Variants in SGIP1 observed in about 807,000 individuals in gnomAD.
SGIP1 encodes SH3-containing GRB2-like protein 3-interacting protein 1.
Under a neutral mutation model 107.5 loss-of-function variants are expected in SGIP1, and 38 were observed. The observed-to-expected ratio is 0.35, with a 90% CI of 0.27 to 0.46. SGIP1 has a LOEUF of 0.46. SGIP1 is among the 20% of genes least tolerant of loss of function. The pLI, the probability that SGIP1 is intolerant of heterozygous loss-of-function variation, is 1.00. For missense variants in SGIP1, 929 were observed against 1,019.5 expected (o/e 0.91, Z 1.21); for synonymous variants, 365 against 366.1 (o/e 1.00, Z 0.03).
At position 66,643,585 on chromosome 1, in the gene SGIP1, G is replaced by A; in HGVS notation, c.325G>A (p.Glu109Lys). The A allele has an allele frequency of 6.2e-7, 1 of 1,610,744 alleles. No homozygotes were observed. The highest frequency in any genetic ancestry group is 8.5e-7 in the Non-Finnish European group (1 of 1,178,694). The stretch of plus-strand genomic sequence containing the variant: ...CTTTTATTCTTCAAGTGAATCGGAA[G>A]AAGAAGAAGAATCACATAAGAAATT... ...KHFYSSSESE[E>K]EEESHKKFNI... is the part of the protein sequence containing the mutation. The change falls in exon 7 of 25, where the codon GAA becomes AAA. Residue 109 changes from glutamate (E) to lysine (K), a missense_variant. Coordinates refer to ENST00000371037, the MANE Select transcript of SGIP1 (RefSeq NM_032291.4).
At chr1:66,592,417 G>A (rs76860583) in intron 1 of SGIP1, among the ~76,000 whole-genome samples, 26,736 of 152,158 alleles carry the variant, frequency 0.18, 2,513 homozygotes, top group East Asian at 0.31. Context: ...AGGGCACAGG[G>A]TTGGGGCTAG....
rs866656995 is a variant in SGIP1 at position 66,735,768 on chromosome 1, T to C, written c.2031+1888T>C. On this transcript the variant is annotated intron_variant, in intron 21 of 24. Coordinates refer to ENST00000371037, the MANE Select transcript of SGIP1 (RefSeq NM_032291.4). Reference sequence around the variant, plus strand: ...CCGGGAGGCGGAGCTTGCAGTGAGCTGAGATTGCGCCACTGCAGTCCGCAG... The same window carrying C: ...CCGGGAGGCGGAGCTTGCAGTGAGCCGAGATTGCGCCACTGCAGTCCGCAG... Among the ~76,000 whole-genome samples, 5 of 17,750 alleles carry C rather than the reference T, an allele frequency of 2.8e-4. 1 individual carries two copies. Among genetic ancestry groups the C allele is most frequent in the South Asian group, 8.0e-4 (1 of 1,252 alleles). 11.6% of individuals were successfully genotyped at this position (17,750 alleles called of 152,430 possible). A position where few individuals can be genotyped will look rare whatever the true frequency, so the allele number is the denominator to read the frequency against.
intron 2 of SGIP1, chr1:66,626,166 T>G: frequency 4.0e-6 from 1 of 246,950 alleles, no homozygotes; most frequent in East Asian, 7.6e-5. Flanking sequence ...TTTTGATCAT[T>G]ACACTTCCCA....
intron 15 of SGIP1, 55 bp downstream of exon 15, chr1:66,682,424 C>A: frequency 6.4e-7 from 1 of 1,553,206 alleles, no homozygotes; most frequent in Non-Finnish European, 8.7e-7. Flanking sequence ...ATGGCTGCTG[C>A]AGTGTGAGCA....
At chr1:66,680,456 CCTT>C (rs1316487462) in intron 14 of SGIP1, among the ~76,000 whole-genome samples, 1 of 152,162 alleles carries the variant, frequency 6.6e-6, no homozygotes, top group Non-Finnish European at 1.5e-5. Context: ...TTCTTTATCA[CCTT>C]CGGAATTCTG....
chr1:66,675,576 G>A (rs1331692141), intron 12 of SGIP1, among the ~76,000 whole-genome samples: 2 of 90,250 alleles, frequency 2.2e-5, no homozygotes, highest in African/African-American at 9.8e-5. Context: ...ATCTCACTCT[G>A]TCACCCAGGC....
chr1:66,539,954 C>T (rs2054517032), intron 1 of SGIP1, among the ~76,000 whole-genome samples: 1 of 152,096 alleles, frequency 6.6e-6, no homozygotes, highest in African/African-American at 2.4e-5. Context: ...ATCTGGTCTA[C>T]CATTTTCATC....
intron 1 of SGIP1, among the ~76,000 whole-genome samples, chr1:66,574,676 C>T (rs1454426812): frequency 6.6e-6 from 1 of 152,096 alleles, no homozygotes; most frequent in Non-Finnish European, 1.5e-5. Context: ...TGTTACTTCC[C>T]CTTCTCGGAA....
intron 1 of SGIP1, among the ~76,000 whole-genome samples, chr1:66,544,321 G>C (rs2055793619): frequency 6.6e-6 from 1 of 152,138 alleles, no homozygotes; most frequent in South Asian, 2.1e-4. Flanking sequence ...GATTGGAATT[G>C]GCACATGAGA....
intron 19 of SGIP1, among the ~76,000 whole-genome samples, chr1:66,725,508 T>C (rs906235357): frequency 2.0e-5 from 3 of 152,204 alleles, no homozygotes; most frequent in African/African-American, 7.2e-5. Flanking sequence ...TGTGGAGACA[T>C]TGGAGGAAAT....
intron 19 of SGIP1, among the ~76,000 whole-genome samples, chr1:66,727,546 T>C (rs2093812306): frequency 2.0e-5 from 3 of 152,230 alleles, no homozygotes; most frequent in Non-Finnish European, 4.4e-5. Flanking sequence ...CCAAGAGAAA[T>C]GACAGGGTAT....
intron 1 of SGIP1, among the ~76,000 whole-genome samples, chr1:66,574,846 T>C (rs1270740740): frequency 6.6e-6 from 1 of 152,204 alleles, no homozygotes; most frequent in Non-Finnish European, 1.5e-5. Flanking sequence ...GATGTCAGAT[T>C]GCCAGCTGCG....
chr1:66,534,332 G>A lies in SGIP1; in HGVS notation c.-27G>A. The A allele has an allele frequency of 1.2e-6, 2 of 1,613,926 alleles. No homozygotes were observed. The highest frequency in any genetic ancestry group is 1.3e-5 in the African/African-American group (1 of 75,044). ...CTCCTGTGTTTTTTCAGACTCCTTGGAAATTAAGGAATGCAATTCTGCCAC... is the reference window on the plus strand; with the variant it reads ...CTCCTGTGTTTTTTCAGACTCCTTGAAAATTAAGGAATGCAATTCTGCCAC... On this transcript the variant is annotated 5_prime_UTR_variant, in exon 1 of 25. Transcript: ENST00000371037.
intron 1 of SGIP1, among the ~76,000 whole-genome samples, chr1:66,621,326 C>CTT (rs2071043262): frequency 6.6e-6 from 1 of 152,212 alleles, no homozygotes; most frequent in African/African-American, 2.4e-5. Flanking sequence ...GTGCCACAAA[C>CTT]TTTTAAGCCA....
chr1:66,742,738 G>A (rs1346518639), intron 24 of SGIP1, among the ~76,000 whole-genome samples: 1 of 148,676 alleles, frequency 6.7e-6, no homozygotes, highest in African/African-American at 2.6e-5. Flanking sequence ...CAAAGTGCTG[G>A]GATTACAGGC....
intron 19 of SGIP1, among the ~76,000 whole-genome samples, chr1:66,727,999 A>G (rs2093835729): frequency 1.3e-5 from 2 of 152,202 alleles, no homozygotes; most frequent in South Asian, 2.1e-4. Flanking sequence ...TACACTGTAT[A>G]TAAGTTCAGT....
chr1:66,712,365 G>T (rs2092973155), intron 18 of SGIP1, among the ~76,000 whole-genome samples: 1 of 152,164 alleles, frequency 6.6e-6, no homozygotes, highest in South Asian at 2.1e-4. Context: ...TTGCAAAGTG[G>T]AAGAGATTAT....
chr1:66,690,117 G>A, intron 16 of SGIP1, 73 bp from the exon 17 acceptor site: 2 of 1,563,954 alleles, frequency 1.3e-6, no homozygotes, highest in Non-Finnish European at 1.7e-6. Context: ...GGGGCTGGGA[G>A]ACATTAAAAA....
In SGIP1 at chr1:66,673,447, T is replaced by G. The variant is rs567608288; in HGVS notation, c.646+81T>G. The G allele has an allele frequency of 1.0e-4, 128 of 1,233,688 alleles. No homozygotes were observed. In the African/African-American group the frequency reaches 1.8e-3, roughly 18 times the overall value. The allele number at this position is 1,233,688 out of a possible 1,614,324, so 76.4% of individuals were successfully genotyped here. A position where few individuals can be genotyped will look rare whatever the true frequency, so the allele number is the denominator to read the frequency against. ...ACTCTTCTAGATTAAATGTATGTAT[T>G]TTGAGGTATATTTTTAATATATTAT... On this transcript the variant is annotated intron_variant, in intron 12 of 24. Transcript: ENST00000371037.
Sources: allele counts gnomAD v4.1 joint callset (sites outside exome capture counted in the v4.1 genomes callset), GRCh38; gene constraint gnomAD v4.1.1; transcripts MANE v1.5; gene names NCBI Gene and HGNC (gene_info 2026-07-23, HGNC 2026-07-21).